LINGO2: variants seen among roughly 807,000 people sequenced by gnomAD.
The protein encoded by LINGO2 is leucine-rich repeat and immunoglobulin-like domain-containing nogo receptor-interacting protein 2.
Under a neutral mutation model 30.6 loss-of-function variants are expected in LINGO2, and 14 were observed. That is an observed-to-expected ratio of 0.46 (90% CI 0.30 to 0.72). The LOEUF (loss-of-function observed/expected upper bound fraction) is 0.72, where lower values mean the gene tolerates loss of function less well. Among genes scored for constraint, LINGO2 ranks in the 30% least tolerant of loss-of-function variants. The pLI, the probability that LINGO2 is intolerant of heterozygous loss-of-function variation, is 0.07. For missense variants in LINGO2, 729 were observed against 751.7 expected (o/e 0.97, Z 0.35); for synonymous variants, 317 against 288.5 (o/e 1.10, Z -1.00).
intron 2 of LINGO2, among the ~76,000 whole-genome samples, chr9:28,391,500 T>G (rs1821827499): frequency 6.6e-6 from 1 of 152,172 alleles, no homozygotes. Context: ...TGTTATGATT[T>G]ATCATTTCCT....
At chr9:28,053,530 G>C (rs1282479873) in intron 4 of LINGO2, among the ~76,000 whole-genome samples, 2 of 152,018 alleles carry the variant, frequency 1.3e-5, no homozygotes, top group Non-Finnish European at 2.9e-5. Flanking sequence ...GCTACATTTG[G>C]AGTTCTTTCC....
At position 28,059,436 on chromosome 9, in the gene LINGO2, C is replaced by T. The variant is rs865839231; in HGVS notation, c.-86-47031G>A. Among the ~76,000 whole-genome samples, 10 of 152,170 alleles carry T rather than the reference C, an allele frequency of 6.6e-5. No individual in the cohort carries two copies. In the South Asian group the frequency reaches 1.5e-3, roughly 22 times the overall value. Reference sequence around the variant, plus strand: ...TTGACTCCGCCGGTCTTTGTCCACCCGCACGACTTGGTGTTGGGTCTGATC... The same window carrying T: ...TTGACTCCGCCGGTCTTTGTCCACCTGCACGACTTGGTGTTGGGTCTGATC... On this transcript the variant is annotated intron_variant, in intron 4 of 5. Transcript: ENST00000379992.
At chr9:28,465,449 T>C in intron 2 of LINGO2, among the ~76,000 whole-genome samples, 1 of 152,062 alleles carries the variant, frequency 6.6e-6, no homozygotes, top group East Asian at 1.9e-4. Context: ...CTGGGGTTCT[T>C]ATGAGCACAA....
At chr9:28,417,067 C>T (rs1353903412) in intron 2 of LINGO2, among the ~76,000 whole-genome samples, 2 of 151,204 alleles carry the variant, frequency 1.3e-5, no homozygotes, top group Non-Finnish European at 2.9e-5. Flanking sequence ...TAGATGGAAA[C>T]TATTGCAATA....
Position 28,043,337 on chromosome 9 carries a change from C to T in LINGO2, c.-86-30932G>A, listed in dbSNP as rs1260720520. On this transcript the variant is annotated intron_variant, in intron 4 of 5. Transcript: ENST00000379992. ...CTGTGTTGACTGCATGCCCTCAACA[C>T]TCACACATGAATAACTCAAGTGAAC... is the stretch of plus-strand genomic sequence containing the variant. 4.6e-5 allele frequency among the ~76,000 whole-genome samples: 7 copies of T among 152,306 alleles called. No individual in the cohort carries two copies. In the East Asian group the frequency reaches 5.8e-4, roughly 13 times the overall value.
At chr9:28,106,634 C>T (rs1017511337) in intron 4 of LINGO2, among the ~76,000 whole-genome samples, 2 of 152,162 alleles carry the variant, frequency 1.3e-5, no homozygotes, top group Non-Finnish European at 2.9e-5. Context: ...AGCATCTCTT[C>T]ACAGCCTCCT....
chr9:28,015,920 AGAG>A (rs146373031), intron 4 of LINGO2, among the ~76,000 whole-genome samples: 3,276 of 151,846 alleles, frequency 0.022, 110 homozygotes, highest in African/African-American at 0.075. Context: ...CTGATTTACA[AGAG>A]GAGACCAAAT....
At chr9:28,195,310 T>C (rs975519618) in intron 4 of LINGO2, among the ~76,000 whole-genome samples, 1 of 150,962 alleles carries the variant, frequency 6.6e-6, no homozygotes, top group Admixed American at 6.6e-5. Context: ...CCCTCATTTA[T>C]ATTTTGCCAT....
chr9:28,703,863 C>T, the LINGO2 span, among the ~76,000 whole-genome samples: 1 of 151,810 alleles, frequency 6.6e-6, no homozygotes, highest in Non-Finnish European at 1.5e-5. Flanking sequence ...TTCTTAATTC[C>T]ATCCTCCTAT....
the LINGO2 span, among the ~76,000 whole-genome samples, chr9:28,700,404 T>C: frequency 6.6e-6 from 1 of 152,124 alleles, no homozygotes; most frequent in African/African-American, 2.4e-5. Flanking sequence ...AATGTATTAT[T>C]TCAAATTTGC....
At chr9:29,106,651 T>C in the LINGO2 span, among the ~76,000 whole-genome samples, 2 of 152,194 alleles carry the variant, frequency 1.3e-5, no homozygotes, top group Non-Finnish European at 2.9e-5. Flanking sequence ...GAGTTTATTA[T>C]ACTTCTTATA....
At chr9:28,452,677 A>G (rs1929813) in intron 2 of LINGO2, among the ~76,000 whole-genome samples, 98,221 of 151,674 alleles carry the variant, frequency 0.65, 32,342 homozygotes, top group South Asian at 0.75. Context: ...AAGTGATTAC[A>G]TCTGTTGGTC....
chr9:28,936,740 T>C, the LINGO2 span, among the ~76,000 whole-genome samples: 1 of 152,266 alleles, frequency 6.6e-6, no homozygotes, highest in Admixed American at 6.5e-5. Context: ...CAAATATTAT[T>C]GCCATTATTA....
At chr9:27,999,441 A>G (rs1187433829) in intron 5 of LINGO2, among the ~76,000 whole-genome samples, 1 of 85,794 alleles carries the variant, frequency 1.2e-5, no homozygotes, top group Admixed American at 1.2e-4. Flanking sequence ...ATCTTCAGAG[A>G]GAGAGAGAGA....
At chr9:28,473,185 C>G (rs893869300) in intron 2 of LINGO2, among the ~76,000 whole-genome samples, 5 of 129,596 alleles carry the variant, frequency 3.9e-5, no homozygotes, top group African/African-American at 1.4e-4. Context: ...ACCATTAGCC[C>G]TTGGTTCTAC....
chr9:28,166,155 C>T (rs1828420483), intron 4 of LINGO2, among the ~76,000 whole-genome samples: 1 of 152,180 alleles, frequency 6.6e-6, no homozygotes, highest in African/African-American at 2.4e-5. Flanking sequence ...ATGCTAGGTA[C>T]AGAGCATATA....
At chr9:28,131,755 T>G (rs1464731376) in intron 4 of LINGO2, among the ~76,000 whole-genome samples, 1 of 152,150 alleles carries the variant, frequency 6.6e-6, no homozygotes, top group Non-Finnish European at 1.5e-5. Flanking sequence ...ACCTAGGGAT[T>G]GAGTTCTTCA....
the LINGO2 span, among the ~76,000 whole-genome samples, chr9:28,718,778 G>A: frequency 2.0e-5 from 3 of 152,014 alleles, no homozygotes; most frequent in Non-Finnish European, 4.4e-5. Flanking sequence ...TGCTGACAAT[G>A]TGTGAACAAA....
At chr9:27,963,920 G>A (rs958464304) in intron 5 of LINGO2, among the ~76,000 whole-genome samples, 5 of 152,030 alleles carry the variant, frequency 3.3e-5, no homozygotes, top group Admixed American at 6.6e-5. Flanking sequence ...ATCAATTTTA[G>A]TATGAGCAAG....
Sources: gnomAD v4.1 joint callset for allele counts (sites outside exome capture counted in the v4.1 genomes callset) on GRCh38, gnomAD v4.1.1 for gene constraint, MANE v1.5 for transcripts, NCBI Gene and HGNC (gene_info 2026-07-23, HGNC 2026-07-21) for gene names.